Variants in MCTS1 observed in about 807,000 individuals in gnomAD.
The protein encoded by MCTS1 is malignant T-cell-amplified sequence 1.
For synonymous variants in MCTS1, 26 were observed against 40.8 expected (o/e 0.64, Z 1.38); for missense variants, 55 against 128.6 (o/e 0.43, Z 2.77).
At chrX:120,611,164 C>T in intron 5 of MCTS1, 86 bp downstream of exon 5, 1 of 783,333 alleles carries the variant, frequency 1.3e-6, no homozygotes, top group Non-Finnish European at 1.9e-6. Context: ...AATTTGCTAT[C>T]ATGCATACCA....
At position 120,619,201 on chromosome X, in the gene MCTS1, A is replaced by G. The variant is rs1347492886; in HGVS notation, c.*6937A>G. 8.9e-6 allele frequency among the ~76,000 whole-genome samples: 1 copy of G among 112,173 alleles called. No homozygotes were observed. ...AATGTACAGATGTTATCTTAAAACA[A>G]TGAAAGAGTTCCCCTAATTTGAATA... On this transcript the variant is annotated 3_prime_UTR_variant, in exon 6 of 6. Coordinates refer to ENST00000371317, the MANE Select transcript of MCTS1 (RefSeq NM_014060.3).
chrX:120,608,292 T>C lies in MCTS1; in HGVS notation c.330T>C (p.Asn110=). ...GAIKFVLSGA[N]IMCPGLTSPG... Reference sequence around the variant, plus strand: ...TCAAATTTGTACTCAGTGGAGCAAATATCATGTGTCCAGGCTTAACTTCTC... The same window carrying C: ...TCAAATTTGTACTCAGTGGAGCAAACATCATGTGTCCAGGCTTAACTTCTC... Residue 110 remains asparagine (N), a synonymous_variant, in exon 4 of 6, where the codon AAT becomes AAC. Coordinates refer to ENST00000371317, the MANE Select transcript of MCTS1 (RefSeq NM_014060.3). 8.3e-7 allele frequency: 1 copy of C among 1,206,541 alleles called. No homozygotes were observed. Among genetic ancestry groups the C allele is most frequent in the Non-Finnish European group, 1.1e-6 (1 of 891,607 alleles).
rs943989715 is a variant in MCTS1 at position 120,618,606 on chromosome X, T to C, written c.*6342T>C. Among the ~76,000 whole-genome samples, 3 of 112,566 alleles carry C rather than the reference T, an allele frequency of 2.7e-5. No individual in the cohort carries two copies. The highest frequency in any genetic ancestry group is 9.7e-5 in the African/African-American group (3 of 31,026). ...ATGAAGTAGAAACAGCTTCATTTAA[T>C]GGGATAATAGCAATCTCTAACCCAT... On this transcript the variant is annotated 3_prime_UTR_variant, in exon 6 of 6. Coordinates refer to ENST00000371317, the MANE Select transcript of MCTS1 (RefSeq NM_014060.3).
In MCTS1 at chrX:120,617,172, C is replaced by A. The variant is rs757199302; in HGVS notation, c.*4908C>A. Among the ~76,000 whole-genome samples the A allele has an allele frequency of 4.5e-5, 5 of 111,685 alleles. No individual in the cohort carries two copies. The highest frequency in any genetic ancestry group is 6.6e-5 in the African/African-American group (2 of 30,385). On this transcript the variant is annotated 3_prime_UTR_variant, in exon 6 of 6. Transcript: ENST00000371317. ...AAAGCAAAAAATTAAACTCATCCAACTCATACATTTGTTGTTGTTGTTGTT... is the reference window on the plus strand; with the variant it reads ...AAAGCAAAAAATTAAACTCATCCAAATCATACATTTGTTGTTGTTGTTGTT...
intron 1 of MCTS1, 136 bp downstream of exon 1, chrX:120,604,383 C>A: frequency 1.2e-6 from 1 of 824,122 alleles, no homozygotes; most frequent in Non-Finnish European, 1.7e-6. Context: ...TTCTATAGTA[C>A]TATGCTCTCA....
intron 1 of MCTS1, 147 bp downstream of exon 1, chrX:120,604,394 C>T: frequency 8.1e-6 from 6 of 740,811 alleles, no homozygotes; most frequent in Non-Finnish European, 1.1e-5. Context: ...TATGCTCTCA[C>T]TCCCAACTTG....
chrX:120,604,427 C>T, intron 1 of MCTS1, 180 bp downstream of exon 1: 3 of 619,640 alleles, frequency 4.8e-6, no homozygotes, highest in Non-Finnish European at 7.2e-6. Context: ...AGCTTTCCAT[C>T]CGTAGTCCTT....
At position 120,620,985 on chromosome X, in the gene MCTS1, C is replaced by G. The variant is rs1304789565; in HGVS notation, c.*8721C>G. The G allele has an allele frequency of 1.8e-5, 2 of 111,522 alleles. No individual in the cohort carries two copies. The highest frequency in any genetic ancestry group is 1.9e-4 in the Admixed American group (2 of 10,411). The allele number at this position is 111,522 out of a possible 1,213,427, so 9.2% of individuals were successfully genotyped here. A position where few individuals can be genotyped will look rare whatever the true frequency, so the allele number is the denominator to read the frequency against. On this transcript the variant is annotated 3_prime_UTR_variant, in exon 6 of 6. Transcript: ENST00000371317. ...GCCTCTGCCCATCCATATGTGGCCA[C>G]TGAGAACTTGAAATGTGACTAGTTT...
chrX:120,605,298 A>G (rs1428823489), intron 1 of MCTS1, 109 bp from the exon 2 acceptor site: 7 of 668,928 alleles, frequency 1.0e-5, no homozygotes, highest in Admixed American at 4.1e-5. Context: ...ATAATTAAGT[A>G]TCTAAATACT....
In MCTS1 at chrX:120,613,534, A is replaced by G. The variant is rs1239168079; in HGVS notation, c.*1270A>G. On this transcript the variant is annotated 3_prime_UTR_variant, in exon 6 of 6. Coordinates refer to ENST00000371317, the MANE Select transcript of MCTS1 (RefSeq NM_014060.3). ...TTATTTATTGAAGTCTGTTTAATTT[A>G]TAAGTTACCTTTTCTTTTCCCCCTT... is the stretch of plus-strand genomic sequence containing the variant. 8.9e-6 allele frequency among the ~76,000 whole-genome samples: 1 copy of G among 112,351 alleles called. No individual in the cohort carries two copies. The highest frequency in any genetic ancestry group is 3.2e-5 in the African/African-American group (1 of 30,834).
rs1377595634 is a variant in MCTS1 at position 120,613,143 on chromosome X, C to T, written c.*879C>T. On this transcript the variant is annotated 3_prime_UTR_variant, in exon 6 of 6. Coordinates refer to ENST00000371317, the MANE Select transcript of MCTS1 (RefSeq NM_014060.3). ...GTTTCGCTATGTTGGCCAGACTGGT[C>T]TTGAACTCTTGGCCTCAAGTGATCC... 9.1e-6 allele frequency among the ~76,000 whole-genome samples: 1 copy of T among 110,183 alleles called. No homozygotes were observed. The highest frequency in any genetic ancestry group is 3.3e-5 in the African/African-American group (1 of 30,228).
In MCTS1 at chrX:120,620,968, C is replaced by G. The variant is rs1310202792; in HGVS notation, c.*8704C>G. The G allele has an allele frequency of 9.0e-6, 1 of 111,159 alleles. No homozygotes were observed. The highest frequency in any genetic ancestry group is 1.9e-5 in the Non-Finnish European group (1 of 53,056). 9.2% of individuals were successfully genotyped at this position (111,159 alleles called of 1,213,427 possible). A position where few individuals can be genotyped will look rare whatever the true frequency, so the allele number is the denominator to read the frequency against. ...TGCTATCTAATATGGTAGCCTCTGCCCATCCATATGTGGCCACTGAGAACT... is the reference window on the plus strand; with the variant it reads ...TGCTATCTAATATGGTAGCCTCTGCGCATCCATATGTGGCCACTGAGAACT... On this transcript the variant is annotated 3_prime_UTR_variant, in exon 6 of 6. Coordinates refer to ENST00000371317, the MANE Select transcript of MCTS1 (RefSeq NM_014060.3).
At chrX:120,605,038 G>A (rs1926497521) in intron 1 of MCTS1, among the ~76,000 whole-genome samples, 1 of 111,189 alleles carries the variant, frequency 9.0e-6, no homozygotes, top group Non-Finnish European at 1.9e-5. Flanking sequence ...TTTGTTTTCT[G>A]ATCTCAGGTT....
chrX:120,617,260 C>T lies in MCTS1; in HGVS notation c.*4996C>T, dbSNP rs954120711. ...AGGCTGGAGTGCAATGGCACGATCT[C>T]GGCTCACTGCAACCTCTGTCTTCCG... On this transcript the variant is annotated 3_prime_UTR_variant, in exon 6 of 6. Transcript: ENST00000371317. 1.8e-5 allele frequency among the ~76,000 whole-genome samples: 2 copies of T among 111,902 alleles called. No individual in the cohort carries two copies. Among genetic ancestry groups the T allele is most frequent in the East Asian group, 2.8e-4 (1 of 3,595 alleles).
Position 120,620,125 on chromosome X carries a change from C to CACG in MCTS1, c.*7861_*7862insACG, listed in dbSNP as rs1437114201. On this transcript the variant is annotated 3_prime_UTR_variant, in exon 6 of 6. Coordinates refer to ENST00000371317, the MANE Select transcript of MCTS1 (RefSeq NM_014060.3). ...AGGAGATCGAGACCATCCTGGCTAA[C>CACG]GTGAAACCCCGTCTATACTAAAAAT... 9.1e-6 allele frequency among the ~76,000 whole-genome samples: 1 copy of CACG among 109,290 alleles called. No homozygotes were observed. The highest frequency in any genetic ancestry group is 3.3e-5 in the African/African-American group (1 of 29,882). 94.9% of individuals were successfully genotyped at this position (109,290 alleles called of 115,157 possible). A position where few individuals can be genotyped will look rare whatever the true frequency, so the allele number is the denominator to read the frequency against.
intron 3 of MCTS1, 57 bp downstream of exon 3, chrX:120,606,233 G>T (rs762541103): frequency 4.5e-6 from 3 of 668,107 alleles, no homozygotes; most frequent in Admixed American, 3.8e-5. Flanking sequence ...ATATTCAAAT[G>T]TAAAGTCTTG....
In MCTS1 at chrX:120,615,030, T is replaced by C. The variant is rs773883551; in HGVS notation, c.*2766T>C. On this transcript the variant is annotated 3_prime_UTR_variant, in exon 6 of 6. Coordinates refer to ENST00000371317, the MANE Select transcript of MCTS1 (RefSeq NM_014060.3). Reference sequence around the variant, plus strand: ...TGATATGGACTAAATATGTATGTTCTCTGCTTCCCCTGGGTCTGAGGCCTC... The same window carrying C: ...TGATATGGACTAAATATGTATGTTCCCTGCTTCCCCTGGGTCTGAGGCCTC... Among the ~76,000 whole-genome samples, 31 of 111,927 alleles carry C rather than the reference T, an allele frequency of 2.8e-4. No homozygotes were observed. Among genetic ancestry groups the C allele is most frequent in the Non-Finnish European group, 4.1e-4 (22 of 53,177 alleles).
chrX:120,611,077 A>G lies in MCTS1; in HGVS notation c.463A>G (p.Ile155Val). The change falls in exon 5 of 6, where the codon ATT becomes GTT. Residue 155 changes from isoleucine to valine, a missense_variant and splice_region_variant. Physicochemically the swap from Ile to Val is conservative, Grantham distance 29 (BLOSUM62 3). Transcript: ENST00000371317. ...VGVMKMSAEDIEKVNKGIGIE... is the reference protein window; with the variant it reads ...VGVMKMSAEDVEKVNKGIGIE... ...AGTCATGAAGATGTCTGCAGAAGACATGTAAGTCTTACTTTAGGCCCCCTT... is the reference window on the plus strand; with the variant it reads ...AGTCATGAAGATGTCTGCAGAAGACGTGTAAGTCTTACTTTAGGCCCCCTT... 1 of 1,209,515 alleles carries G rather than the reference A, an allele frequency of 8.3e-7. No individual in the cohort carries two copies.
At chrX:120,605,287 C>A in intron 1 of MCTS1, 120 bp from the exon 2 acceptor site, 1 of 630,406 alleles carries the variant, frequency 1.6e-6, no homozygotes, top group South Asian at 3.8e-5. Flanking sequence ...CAATTTATTT[C>A]ATAATTAAGT....
Sources: allele counts gnomAD v4.1 joint callset (sites outside exome capture counted in the v4.1 genomes callset), GRCh38; gene constraint gnomAD v4.1.1; transcripts MANE v1.5; gene names NCBI Gene and HGNC (gene_info 2026-07-23, HGNC 2026-07-21).